IL15RA: variants seen among roughly 807,000 people sequenced by gnomAD.
The protein encoded by IL15RA is interleukin-15 receptor subunit alpha.
A neutral mutation model predicts 24.2 loss-of-function variants in IL15RA; 26 were observed. That is an observed-to-expected ratio of 1.07 (90% CI 0.79 to 1.49). The LOEUF (loss-of-function observed/expected upper bound fraction) is 1.49. IL15RA is among the 40% of genes most tolerant of loss of function. The pLI is 0.00. For synonymous variants in IL15RA, 166 were observed against 157.6 expected, an observed-to-expected ratio of 1.05 and a Z score of -0.40; for missense variants, 354 against 356.4, an observed-to-expected ratio of 0.99 and a Z score of 0.05.
In IL15RA at chr10:5,953,267, A is replaced by C. The variant is rs1834051434; in HGVS notation, c.693-61T>G. The C allele has an allele frequency of 8.4e-7, 1 of 1,186,638 alleles. No individual in the cohort carries two copies. Among genetic ancestry groups the C allele is most frequent in the Non-Finnish European group, 1.3e-6 (1 of 791,830 alleles). The allele number at this position is 1,186,638 out of a possible 1,614,324, so 73.5% of individuals were successfully genotyped here. A position where few individuals can be genotyped will look rare whatever the true frequency, so the allele number is the denominator to read the frequency against. On this transcript the variant is annotated intron_variant, in intron 6 of 6. Coordinates refer to ENST00000379977, the MANE Select transcript of IL15RA (RefSeq NM_002189.4). This position sits in a 1 kb window ranked among gnomAD's most constrained non-coding sequence, Gnocchi z 5.3. ...GAGGGGGTTGCCCTCAAATCAACAG[A>C]CGCTTCCCACTGAGCATGTATGTCC...
Position 5,970,231 on chromosome 10 carries a change from G to A in IL15RA, c.89-3892C>T, listed in dbSNP as rs761604163. Reference sequence around the variant, plus strand: ...TTTACCTTATCACAGTTTTCCTTCCGGTGATGTTATACCACCACATACATA... The same window carrying A: ...TTTACCTTATCACAGTTTTCCTTCCAGTGATGTTATACCACCACATACATA... On this transcript the variant is annotated intron_variant, in intron 1 of 6. Transcript: ENST00000379977. The surrounding 1 kb of genome is among the most constrained non-coding windows in gnomAD (Gnocchi z 4.1). 6.6e-6 allele frequency among the ~76,000 whole-genome samples: 1 copy of A among 151,964 alleles called. No homozygotes were observed. Among genetic ancestry groups the A allele is most frequent in the Non-Finnish European group, 1.5e-5 (1 of 68,002 alleles).
chr10:5,966,020 CCCCACTGG>C lies in IL15RA; in HGVS notation c.283+117_283+124del. ...ACAGGTGTGAGCCACCGTGCCCGGC[CCCCACTGG>C]TGTGTTTAGCCTCAGACCTCAGCAC... On this transcript the variant is annotated intron_variant, in intron 2 of 6. Coordinates refer to ENST00000379977, the MANE Select transcript of IL15RA (RefSeq NM_002189.4). The surrounding 1 kb of genome is among the most constrained non-coding windows in gnomAD (Gnocchi z 6.4). The C allele has an allele frequency of 1.6e-6, 1 of 626,416 alleles. No individual in the cohort carries two copies. The highest frequency in any genetic ancestry group is 2.7e-6 in the Non-Finnish European group (1 of 371,160). The allele number at this position is 626,416 out of a possible 1,614,324, so 38.8% of individuals were successfully genotyped here. A position where few individuals can be genotyped will look rare whatever the true frequency, so the allele number is the denominator to read the frequency against.
In IL15RA at chr10:5,952,642, TGGTGTCTTCCC is replaced by T. The variant is rs1250966868; in HGVS notation, c.*442_*452del. On this transcript the variant is annotated 3_prime_UTR_variant, in exon 7 of 7. Coordinates refer to ENST00000379977, the MANE Select transcript of IL15RA (RefSeq NM_002189.4). ...ACAGGGTGGTTAGAAGCCCAAACGCTGGTGTCTTCCCTGTAGACGTCTCCCACGCCAGGAGA... is the reference window on the plus strand; with the variant it reads ...ACAGGGTGGTTAGAAGCCCAAACGCTTGTAGACGTCTCCCACGCCAGGAGA... The T allele has an allele frequency of 1.8e-3, 320 of 176,928 alleles. 1 individual carries two copies. The highest frequency in any genetic ancestry group is 7.2e-3 in the African/African-American group (302 of 41,914). The allele number at this position is 176,928 out of a possible 1,614,324, so 11.0% of individuals were successfully genotyped here.
rs1838385464 is a variant in IL15RA, at chr10:5,975,958, G to T, written c.88+1447C>A. ...ACATTGAGAGCTTTGGGAAGGGAAGGTAGCAACATCTTTCTAAGGTCAAAG... is the reference window on the plus strand; with the variant it reads ...ACATTGAGAGCTTTGGGAAGGGAAGTTAGCAACATCTTTCTAAGGTCAAAG... On this transcript the variant is annotated intron_variant, in intron 1 of 6. Coordinates refer to ENST00000379977, the MANE Select transcript of IL15RA (RefSeq NM_002189.4). The surrounding 1 kb of genome is among the most constrained non-coding windows in gnomAD (Gnocchi z 4.8). Among the ~76,000 whole-genome samples the T allele has an allele frequency of 6.6e-6, 1 of 152,018 alleles. No homozygotes were observed. Among genetic ancestry groups the T allele is most frequent in the Non-Finnish European group, 1.5e-5 (1 of 67,986 alleles).
At position 5,971,468 on chromosome 10, in the gene IL15RA, G is replaced by A. The variant is rs1169002299; in HGVS notation, c.89-5129C>T. 1.3e-5 allele frequency among the ~76,000 whole-genome samples: 2 copies of A among 152,224 alleles called. No individual in the cohort carries two copies. Among genetic ancestry groups the A allele is most frequent in the African/African-American group, 2.4e-5 (1 of 41,458 alleles). On this transcript the variant is annotated intron_variant, in intron 1 of 6. Transcript: ENST00000379977. The surrounding 1 kb of genome is among the most constrained non-coding windows in gnomAD (Gnocchi z 5.5). ...TTACAGAGTCTAATAAGAGCTGGCA[G>A]CCTCGGCCTGGTTCCATATCCAGAG...
rs1835211044 is a variant in IL15RA, at chr10:5,959,896, C to G, written c.584-110G>C. Reference sequence around the variant, plus strand: ...GCTCCCATCTTAGCACCCTGGGAGACTCGTGGCTGGCGTAACCAGACTCAT... The same window carrying G: ...GCTCCCATCTTAGCACCCTGGGAGAGTCGTGGCTGGCGTAACCAGACTCAT... On this transcript the variant is annotated intron_variant, in intron 4 of 6. Transcript: ENST00000379977. The surrounding 1 kb of genome is among the most constrained non-coding windows in gnomAD (Gnocchi z 4.1). The G allele has an allele frequency of 2.0e-6, 2 of 1,021,310 alleles. No individual in the cohort carries two copies. The highest frequency in any genetic ancestry group is 3.9e-5 in the Admixed American group (2 of 51,540). The allele number at this position is 1,021,310 out of a possible 1,614,324, so 63.3% of individuals were successfully genotyped here. A position where few individuals can be genotyped will look rare whatever the true frequency, so the allele number is the denominator to read the frequency against.
Position 5,963,663 on chromosome 10 carries a change from G to A in IL15RA, c.382+80C>T, listed in dbSNP as rs546865590. Reference sequence around the variant, plus strand: ...CTGCAGTGGCACACCACAGAGGTCCGTGAGTCTGCAGGATTGGTGAGCGGG... The same window carrying A: ...CTGCAGTGGCACACCACAGAGGTCCATGAGTCTGCAGGATTGGTGAGCGGG... On this transcript the variant is annotated intron_variant, in intron 3 of 6. Coordinates refer to ENST00000379977, the MANE Select transcript of IL15RA (RefSeq NM_002189.4). The surrounding 1 kb of genome is among the most constrained non-coding windows in gnomAD (Gnocchi z 5.3). 4.0e-5 allele frequency: 32 copies of A among 807,362 alleles called. No homozygotes were observed. The highest frequency in any genetic ancestry group is 2.3e-4 in the Admixed American group (6 of 26,606). 50.0% of individuals were successfully genotyped at this position (807,362 alleles called of 1,614,324 possible).
Position 5,953,441 on chromosome 10 carries a change from G to A in IL15RA, c.693-235C>T. ...CTAGGGGCCAGGTGTGGTGGCGCAT[G>A]CCTGTAATCCTAGCACTTTAGGAGG... On this transcript the variant is annotated intron_variant, in intron 6 of 6. Coordinates refer to ENST00000379977, the MANE Select transcript of IL15RA (RefSeq NM_002189.4). The surrounding 1 kb of genome is among the most constrained non-coding windows in gnomAD (Gnocchi z 5.3). The A allele has an allele frequency of 1.5e-6, 1 of 686,068 alleles. No individual in the cohort carries two copies. Among genetic ancestry groups the A allele is most frequent in the Non-Finnish European group, 2.7e-6 (1 of 375,504 alleles). The allele number at this position is 686,068 out of a possible 1,614,324, so 42.5% of individuals were successfully genotyped here.
At chr10:5,951,170 AAAAT>A (rs1247134496), downstream of IL15RA, among the ~76,000 whole-genome samples, 23 of 148,230 alleles carry the variant, frequency 1.6e-4, no homozygotes, top group Non-Finnish European at 1.8e-4. Flanking sequence ...AAAAAAAAAA[AAAAT>A]ATTAGCCAGG....
chr10:5,949,969 G>A (rs553869360), downstream of IL15RA, among the ~76,000 whole-genome samples: 21 of 152,174 alleles, frequency 1.4e-4, no homozygotes, highest in African/African-American at 4.8e-4. This position sits in a 1 kb window ranked among gnomAD's most constrained non-coding sequence, Gnocchi z 4.4. Flanking sequence ...GGTGGTGTAC[G>A]CTTGTAATCC....
At chr10:5,954,117 T>C (rs1834167381) in intron 6 of IL15RA, 2 of 151,622 alleles carry the variant, frequency 1.3e-5, no homozygotes, top group Admixed American at 1.3e-4. Context: ...ATGGAAAGAA[T>C]CAATTCACCA....
At chr10:5,974,813 G>A (rs1416393123) in intron 1 of IL15RA, among the ~76,000 whole-genome samples, 1 of 152,098 alleles carries the variant, frequency 6.6e-6, no homozygotes, top group Admixed American at 6.5e-5. Context: ...GGAGGCAGAG[G>A]TTTCAGTGAG....
Position 5,975,318 on chromosome 10 carries a change from GA to G in IL15RA, c.88+2086del, listed in dbSNP as rs1436344947. Among the ~76,000 whole-genome samples the G allele has an allele frequency of 6.6e-6, 1 of 152,168 alleles. No individual in the cohort carries two copies. Among genetic ancestry groups the G allele is most frequent in the Non-Finnish European group, 1.5e-5 (1 of 68,032 alleles). ...AATTCTCAGGATAATTACTGTCTGT[GA>G]AAAAAGCCAAACAAGAAAGAGTTCC... On this transcript the variant is annotated intron_variant, in intron 1 of 6. Transcript: ENST00000379977. The surrounding 1 kb of genome is among the most constrained non-coding windows in gnomAD (Gnocchi z 4.8).
rs969281064 is a variant in IL15RA at position 5,969,021 on chromosome 10, A to T, written c.89-2682T>A. 1.3e-4 allele frequency: 197 copies of T among 1,513,772 alleles called. 1 individual carries two copies. The highest frequency in any genetic ancestry group is 4.4e-4 in the South Asian group (36 of 81,754). The allele number at this position is 1,513,772 out of a possible 1,614,324, so 93.8% of individuals were successfully genotyped here. A position where few individuals can be genotyped will look rare whatever the true frequency, so the allele number is the denominator to read the frequency against. The stretch of plus-strand genomic sequence containing the variant: ...TTGTGTAGGATCCTGAGCAAGGACT[A>T]AGTGTATTGTGTGTGTTTCTGGCTG... On this transcript the variant is annotated intron_variant, in intron 1 of 6. Coordinates refer to ENST00000379977, the MANE Select transcript of IL15RA (RefSeq NM_002189.4).
chr10:5,955,166 C>T lies in IL15RA; in HGVS notation c.692+1213G>A, dbSNP rs8177787. Among the ~76,000 whole-genome samples, 264 of 149,320 alleles carry T rather than the reference C, an allele frequency of 1.8e-3. 1 individual carries two copies. Among genetic ancestry groups the T allele is most frequent in the Admixed American group, 3.6e-3 (53 of 14,862 alleles). On this transcript the variant is annotated intron_variant, in intron 6 of 6. Coordinates refer to ENST00000379977, the MANE Select transcript of IL15RA (RefSeq NM_002189.4). This position sits in a 1 kb window ranked among gnomAD's most constrained non-coding sequence, Gnocchi z 5.3. ...CCAGGCTGGAGTGCAATGGTGTGAT[C>T]TTGGCTCACTGCAACCTCCGCCTCC...
chr10:5,971,558 T>G lies in IL15RA; in HGVS notation c.89-5219A>C, dbSNP rs1837612832. Among the ~76,000 whole-genome samples the G allele has an allele frequency of 6.6e-6, 1 of 152,200 alleles. No individual in the cohort carries two copies. The highest frequency in any genetic ancestry group is 2.4e-5 in the African/African-American group (1 of 41,452). On this transcript the variant is annotated intron_variant, in intron 1 of 6. Coordinates refer to ENST00000379977, the MANE Select transcript of IL15RA (RefSeq NM_002189.4). This position sits in a 1 kb window ranked among gnomAD's most constrained non-coding sequence, Gnocchi z 5.5. Reference sequence around the variant, plus strand: ...AGCAGAGTCAGAATGGACTCCAACATTCCCCTCGCTTACAGCACCTTTCAA... The same window carrying G: ...AGCAGAGTCAGAATGGACTCCAACAGTCCCCTCGCTTACAGCACCTTTCAA...
rs528047083 is a variant in IL15RA, at chr10:5,964,811, G to A, written c.284-970C>T. Among the ~76,000 whole-genome samples, 288 of 152,312 alleles carry A rather than the reference G, an allele frequency of 1.9e-3. 1 individual carries two copies. Among genetic ancestry groups the A allele is most frequent in the African/African-American group, 6.5e-3 (270 of 41,562 alleles). ...CAGGACTGGCAGAGTAAGACCCACC[G>A]TGGTTCCCACAGATCCTGCTCACCC... On this transcript the variant is annotated intron_variant, in intron 2 of 6. Transcript: ENST00000379977. The surrounding 1 kb of genome is among the most constrained non-coding windows in gnomAD (Gnocchi z 5.6).
downstream of IL15RA, among the ~76,000 whole-genome samples, chr10:5,950,423 C>T (rs747454652): frequency 3.9e-5 from 6 of 152,154 alleles, no homozygotes; most frequent in South Asian, 2.1e-4. This position sits in a 1 kb window ranked among gnomAD's most constrained non-coding sequence, Gnocchi z 5.6. Context: ...TAAAAAAGGA[C>T]GGACTCTTCC....
intron 1 of IL15RA, among the ~76,000 whole-genome samples, chr10:5,969,579 G>A (rs1837247008): frequency 6.6e-6 from 1 of 152,236 alleles, no homozygotes; most frequent in African/African-American, 2.4e-5. Flanking sequence ...GTCTTGCTAT[G>A]TTGCTCAGGC....
Sources: allele counts gnomAD v4.1 joint callset (sites outside exome capture counted in the v4.1 genomes callset), GRCh38; gene constraint gnomAD v4.1.1; non-coding constraint Gnocchi (gnomAD v3.1); transcripts MANE v1.5; gene names NCBI Gene and HGNC (gene_info 2026-07-23, HGNC 2026-07-21).